Variants in SMCO4 observed in about 807,000 individuals in gnomAD.
SMCO4 encodes the protein single-pass membrane and coiled-coil domain-containing protein 4.
In SMCO4, 4 loss-of-function variants were observed where a neutral mutation model predicts 3.6. The observed-to-expected ratio is 1.11, with a 90% CI of 0.54 to 2.53. SMCO4 has a LOEUF of 2.53. SMCO4 is among the 30% of genes most tolerant of loss of function. SMCO4 has a pLI of 0.02. For synonymous variants in SMCO4, 36 were observed against 35.3 expected (o/e 1.02, Z -0.07); for missense variants, 70 against 80.8 (o/e 0.87, Z 0.51).
At chr11:93,515,805 C>T (rs988728957) in intron 1 of SMCO4, among the ~76,000 whole-genome samples, 14 of 152,204 alleles carry the variant, frequency 9.2e-5, no homozygotes, top group African/African-American at 3.4e-4. Context: ...CAAATGTGCA[C>T]TACACCACTG....
chr11:93,520,417 T>C (rs1403176970), intron 1 of SMCO4, among the ~76,000 whole-genome samples: 2 of 152,346 alleles, frequency 1.3e-5, no homozygotes, highest in African/African-American at 2.4e-5. Flanking sequence ...AGCAATTCTC[T>C]TATTAACCCA....
At chr11:93,515,432 A>T (rs570220971) in intron 1 of SMCO4, among the ~76,000 whole-genome samples, 1 of 152,204 alleles carries the variant, frequency 6.6e-6, no homozygotes, top group Non-Finnish European at 1.5e-5. Context: ...AATTACTTGT[A>T]TATCACTGTA....
intron 2 of SMCO4, among the ~76,000 whole-genome samples, chr11:93,492,580 G>A (rs1948730835): frequency 6.6e-6 from 1 of 152,230 alleles, no homozygotes; most frequent in African/African-American, 2.4e-5. Flanking sequence ...AGCATTACAA[G>A]GGACTGCCTC....
chr11:93,505,046 T>G (rs1948886270), intron 1 of SMCO4, among the ~76,000 whole-genome samples: 1 of 152,190 alleles, frequency 6.6e-6, no homozygotes, highest in Non-Finnish European at 1.5e-5. Flanking sequence ...CATGAGGCAC[T>G]AAGAGAAAGT....
At chr11:93,552,539 T>C in the SMCO4 span, among the ~76,000 whole-genome samples, 1 of 151,172 alleles carries the variant, frequency 6.6e-6, no homozygotes, top group Non-Finnish European at 1.5e-5. Context: ...TGGCGTGATC[T>C]CGGCTCACTG....
At chr11:93,506,590 C>T (rs1376107679) in intron 1 of SMCO4, among the ~76,000 whole-genome samples, 1 of 152,018 alleles carries the variant, frequency 6.6e-6, no homozygotes, top group African/African-American at 2.4e-5. Context: ...GGGTGCCCGC[C>T]ACCACGTCTA....
chr11:93,534,357 CATATATAT>C (rs574528655), intron 1 of SMCO4, among the ~76,000 whole-genome samples: 2,398 of 87,018 alleles, frequency 0.028, 52 homozygotes, highest in Non-Finnish European at 0.044. Flanking sequence ...TATACACATA[CATATATAT>C]ATATATATAT....
At chr11:93,535,967 T>C (rs953593244) in intron 1 of SMCO4, among the ~76,000 whole-genome samples, 2 of 152,230 alleles carry the variant, frequency 1.3e-5, no homozygotes, top group Admixed American at 6.5e-5. Flanking sequence ...GCAGTGTTTA[T>C]AGGATAGTTG....
intron 2 of SMCO4, among the ~76,000 whole-genome samples, chr11:93,496,973 G>A (rs1948781412): frequency 6.6e-6 from 1 of 152,162 alleles, no homozygotes; most frequent in Non-Finnish European, 1.5e-5. Flanking sequence ...ACAGGAAAAT[G>A]TTAATCTAAG....
At chr11:93,528,269 C>A (rs1158589164) in intron 1 of SMCO4, among the ~76,000 whole-genome samples, 1 of 152,148 alleles carries the variant, frequency 6.6e-6, no homozygotes, top group Non-Finnish European at 1.5e-5. Flanking sequence ...TTCTGCCTTA[C>A]TTATAAATAC....
chr11:93,487,693 T>G (rs1353198064), intron 2 of SMCO4, among the ~76,000 whole-genome samples: 1 of 152,194 alleles, frequency 6.6e-6, no homozygotes, highest in African/African-American at 2.4e-5. Context: ...AATAAAGTGC[T>G]TTTCTGTGCA....
chr11:93,536,366 T>G (rs561562187), intron 1 of SMCO4, among the ~76,000 whole-genome samples: 1 of 152,272 alleles, frequency 6.6e-6, no homozygotes, highest in South Asian at 2.1e-4. Flanking sequence ...GAAGATATAA[T>G]AGCAAAACTA....
At chr11:93,553,866 TTTA>T in the SMCO4 span, among the ~76,000 whole-genome samples, 1 of 152,234 alleles carries the variant, frequency 6.6e-6, no homozygotes, top group Non-Finnish European at 1.5e-5. Flanking sequence ...TAGCCTTACC[TTTA>T]TTTGCTCTAC....
chr11:93,483,356 G>A (rs1303865141), intron 2 of SMCO4, among the ~76,000 whole-genome samples: 1 of 152,210 alleles, frequency 6.6e-6, no homozygotes, highest in Non-Finnish European at 1.5e-5. Flanking sequence ...CTGGGCCAGG[G>A]CTGGCTCAAG....
chr11:93,491,857 G>A (rs1482073079), intron 2 of SMCO4, among the ~76,000 whole-genome samples: 1 of 152,096 alleles, frequency 6.6e-6, no homozygotes, highest in African/African-American at 2.4e-5. Context: ...GGCCAGGTGT[G>A]GGCTAACAGC....
intron 1 of SMCO4, among the ~76,000 whole-genome samples, chr11:93,506,823 C>T (rs193181617): frequency 7.2e-4 from 110 of 152,226 alleles, no homozygotes; most frequent in South Asian, 4.2e-3. Context: ...TTTTTAATAT[C>T]CCATGTAACA....
intron 2 of SMCO4, among the ~76,000 whole-genome samples, chr11:93,497,328 C>G (rs999710128): frequency 6.6e-6 from 1 of 152,228 alleles, no homozygotes; most frequent in African/African-American, 2.4e-5. Flanking sequence ...TCATCAGATA[C>G]AGCTGAATTA....
At chr11:93,534,375 T>TATATATAGAGAGAG (rs369643237) in intron 1 of SMCO4, among the ~76,000 whole-genome samples, 4 of 142,130 alleles carry the variant, frequency 2.8e-5, no homozygotes, top group African/African-American at 7.9e-5. Flanking sequence ...TATATATATA[T>TATATATAGAGAGAG]AGAGAGAGAG....
At chr11:93,536,582 T>C (rs1949227139) in intron 1 of SMCO4, among the ~76,000 whole-genome samples, 2 of 152,152 alleles carry the variant, frequency 1.3e-5, no homozygotes, top group South Asian at 4.1e-4. Flanking sequence ...AAAACCATAG[T>C]GTATTTGTGT....
Sources: allele counts gnomAD v4.1 joint callset (sites outside exome capture counted in the v4.1 genomes callset), GRCh38; gene constraint gnomAD v4.1.1; transcripts MANE v1.5; gene names NCBI Gene and HGNC (gene_info 2026-07-23, HGNC 2026-07-21).